The following FAR2 variants were observed in gnomAD, a reference collection of about 807,000 sequenced individuals.
The protein encoded by FAR2 is fatty acyl-CoA reductase 2, also known as epididymis secretory protein Li 81.
Under a neutral mutation model 56.0 loss-of-function variants are expected in FAR2, and 19 were observed. The observed-to-expected ratio is 0.34, with a 90% CI of 0.24 to 0.50. The LOEUF (loss-of-function observed/expected upper bound fraction) is 0.50, where lower values mean the gene tolerates loss of function less well. Among genes scored for constraint, FAR2 ranks in the 20% least tolerant of loss-of-function variants. The pLI is 0.98. For missense variants in FAR2, 508 were observed against 642.2 expected (o/e 0.79, Z 2.26); for synonymous variants, 219 against 218.8 (o/e 1.00, Z -0.01).
intron 1 of FAR2, among the ~76,000 whole-genome samples, chr12:29,161,443 GT>G (rs1331327507): frequency 6.6e-6 from 1 of 152,118 alleles, no homozygotes; most frequent in East Asian, 1.9e-4. Flanking sequence ...TCAATATTAT[GT>G]TTGTGAGATC....
At chr12:29,278,743 C>T (rs898536609) in intron 2 of FAR2, among the ~76,000 whole-genome samples, 2 of 152,122 alleles carry the variant, frequency 1.3e-5, no homozygotes, top group Non-Finnish European at 2.9e-5. Flanking sequence ...AGACTGATTG[C>T]TTACAGAAAG....
intron 1 of FAR2, among the ~76,000 whole-genome samples, chr12:29,240,651 C>A (rs1948014063): frequency 1.3e-5 from 2 of 152,092 alleles, no homozygotes; most frequent in African/African-American, 4.8e-5. Context: ...TGTAGTCAGG[C>A]AGCGTTTAGT....
intron 1 of FAR2, among the ~76,000 whole-genome samples, chr12:29,157,484 T>C (rs1292305845): frequency 1.3e-5 from 2 of 152,112 alleles, no homozygotes; most frequent in African/African-American, 4.8e-5. Flanking sequence ...CACTCCTCCC[T>C]GTGAATTTGT....
intron 1 of FAR2, among the ~76,000 whole-genome samples, chr12:29,217,214 T>C (rs1947632022): frequency 6.6e-6 from 1 of 152,204 alleles, no homozygotes; most frequent in South Asian, 2.1e-4. Context: ...AAGTCCTTTC[T>C]AGATGGGTGA....
At chr12:29,212,058 C>T (rs1342786790) in intron 1 of FAR2, among the ~76,000 whole-genome samples, 1 of 151,450 alleles carries the variant, frequency 6.6e-6, no homozygotes. Context: ...GGTGACAGAG[C>T]AAGACTCTGT....
intron 2 of FAR2, among the ~76,000 whole-genome samples, chr12:29,282,779 C>T (rs1175057832): frequency 6.6e-6 from 1 of 152,008 alleles, no homozygotes; most frequent in East Asian, 1.9e-4. Flanking sequence ...TTCCAGTTTC[C>T]CTGCTGTCAA....
At chr12:29,157,106 T>TATATA (rs1555176819) in intron 1 of FAR2, 34 of 73,448 alleles carry the variant, frequency 4.6e-4, no homozygotes, top group Admixed American at 6.0e-4. Flanking sequence ...AAAGAACATT[T>TATATA]TATATATATA....
At chr12:29,183,538 A>G (rs1050697860) in intron 1 of FAR2, among the ~76,000 whole-genome samples, 3 of 152,166 alleles carry the variant, frequency 2.0e-5, no homozygotes, top group Non-Finnish European at 4.4e-5. Context: ...GAGATTTTTG[A>G]CAACATTCTC....
At chr12:29,327,494 C>T (rs1030447264) in intron 10 of FAR2, among the ~76,000 whole-genome samples, 1 of 152,208 alleles carries the variant, frequency 6.6e-6, no homozygotes, top group African/African-American at 2.4e-5. Context: ...GGCTACCTGA[C>T]TTCAAACTAT....
At chr12:29,171,445 C>G (rs1949884582) in intron 1 of FAR2, 1 of 149,380 alleles carries the variant, frequency 6.7e-6, no homozygotes, top group East Asian at 2.0e-4. Context: ...CACCTCTGCC[C>G]AGCTGCCACC....
rs1949673039 is a variant in FAR2, at chr12:29,150,394, A to G, written c.-39+987A>G. 3.9e-5 allele frequency among the ~76,000 whole-genome samples: 6 copies of G among 152,178 alleles called. No homozygotes were observed. The South Asian group carries it at 1.2e-3, about 32-fold the overall frequency. ...CCCATTATGTGATGAGCAAGGACAG[A>G]GTAGGGTCAGAAAAGTGACCAGGGA... On this transcript the variant is annotated intron_variant, in intron 1 of 11. Coordinates refer to ENST00000536681, the MANE Select transcript of FAR2 (RefSeq NM_001271783.2).
chr12:29,288,164 C>T (rs1948905820), intron 2 of FAR2, among the ~76,000 whole-genome samples: 1 of 152,088 alleles, frequency 6.6e-6, no homozygotes, highest in East Asian at 1.9e-4. Context: ...TGGAACACTC[C>T]CAAAGTTTCC....
intron 2 of FAR2, among the ~76,000 whole-genome samples, chr12:29,282,758 T>C (rs1232195659): frequency 6.6e-6 from 1 of 152,206 alleles, no homozygotes; most frequent in African/African-American, 2.4e-5. Flanking sequence ...TGCATAGATA[T>C]CACATCTGAC....
intron 1 of FAR2, among the ~76,000 whole-genome samples, chr12:29,226,545 G>A (rs1947771883): frequency 6.6e-6 from 1 of 152,122 alleles, no homozygotes; most frequent in Non-Finnish European, 1.5e-5. Context: ...TCAAACTATG[G>A]GAAACAAACT....
In FAR2 at chr12:29,271,519, T is replaced by G. The variant is rs571343153; in HGVS notation, c.189+881T>G. 5.3e-5 allele frequency among the ~76,000 whole-genome samples: 8 copies of G among 152,214 alleles called. No homozygotes were observed. In the East Asian group the frequency reaches 1.5e-3, roughly 29 times the overall value. On this transcript the variant is annotated intron_variant, in intron 2 of 11. Coordinates refer to ENST00000536681, the MANE Select transcript of FAR2 (RefSeq NM_001271783.2). ...AGATTGGCAATAAGAAAATTCAGAG[T>G]TCCTTTTTTTACAATCTCCTTTCCA...
chr12:29,245,598 G>A (rs1948115047), intron 1 of FAR2, among the ~76,000 whole-genome samples: 1 of 152,056 alleles, frequency 6.6e-6, no homozygotes, highest in Admixed American at 6.5e-5. Flanking sequence ...CAATACCTCT[G>A]GCCTGGATCA....
At chr12:29,194,616 C>A (rs887182603) in intron 1 of FAR2, among the ~76,000 whole-genome samples, 1 of 151,130 alleles carries the variant, frequency 6.6e-6, no homozygotes, top group Non-Finnish European at 1.5e-5. Flanking sequence ...CTGGAGAAAG[C>A]AGGATAGGCA....
intron 1 of FAR2, among the ~76,000 whole-genome samples, chr12:29,226,843 G>A (rs1947776666): frequency 6.6e-6 from 1 of 152,006 alleles, no homozygotes; most frequent in Admixed American, 6.6e-5. Context: ...CATTTTTTGT[G>A]TGTGTAATGG....
chr12:29,187,813 G>A (rs935753577), intron 1 of FAR2, among the ~76,000 whole-genome samples: 2 of 152,120 alleles, frequency 1.3e-5, no homozygotes, highest in Non-Finnish European at 2.9e-5. Context: ...CAACTTAATG[G>A]TTTCTGTCAG....
Sources: allele counts gnomAD v4.1 joint callset (sites outside exome capture counted in the v4.1 genomes callset), GRCh38; gene constraint gnomAD v4.1.1; transcripts MANE v1.5; gene names NCBI Gene and HGNC (gene_info 2026-07-23, HGNC 2026-07-21).